The following SLC71A2 variants were observed in gnomAD, a reference collection of about 807,000 sequenced individuals.
The protein encoded by SLC71A2 is solute carrier family 71 member 2.
chr9:94,376,584 T>C, the SLC71A2 span, among the ~76,000 whole-genome samples: 16 of 146,326 alleles, frequency 1.1e-4, 1 homozygote, highest in African/African-American at 4.1e-4. Context: ...ACGAGCATGC[T>C]TGAAATCCCA....
At chr9:94,438,311 A>C in the SLC71A2 span, 12 of 1,439,888 alleles carry the variant, frequency 8.3e-6, no homozygotes, top group Non-Finnish European at 1.2e-5. Flanking sequence ...CAGTACAATG[A>C]ATTAGAGCTA....
chr9:94,401,256 C>T, the SLC71A2 span, among the ~76,000 whole-genome samples: 46 of 152,208 alleles, frequency 3.0e-4, no homozygotes, highest in African/African-American at 1.1e-3. Context: ...CTGCAACCTC[C>T]GCCTTCCGAT....
At chr9:94,397,345 A>G in the SLC71A2 span, among the ~76,000 whole-genome samples, 1 of 152,132 alleles carries the variant, frequency 6.6e-6, no homozygotes, top group Non-Finnish European at 1.5e-5. Flanking sequence ...ATGGTGGCTC[A>G]CACTACTTTG....
chr9:94,402,239 C>T, the SLC71A2 span, among the ~76,000 whole-genome samples: 3 of 152,304 alleles, frequency 2.0e-5, no homozygotes, highest in South Asian at 2.1e-4. Flanking sequence ...AAGATGGAGT[C>T]GCTCTGGTTC....
the SLC71A2 span, among the ~76,000 whole-genome samples, chr9:94,419,942 TTA>T: frequency 6.6e-6 from 1 of 152,158 alleles, no homozygotes; most frequent in Non-Finnish European, 1.5e-5. Context: ...TGGTAAGAGA[TTA>T]TAGTTAAACA....
At chr9:94,381,402 C>T in the SLC71A2 span, among the ~76,000 whole-genome samples, 1 of 150,324 alleles carries the variant, frequency 6.7e-6, no homozygotes, top group Non-Finnish European at 1.5e-5. Flanking sequence ...TCCTCTTTGG[C>T]TTTTAAAAAG....
At chr9:94,379,987 G>A in the SLC71A2 span, among the ~76,000 whole-genome samples, 1 of 152,186 alleles carries the variant, frequency 6.6e-6, no homozygotes, top group Non-Finnish European at 1.5e-5. Context: ...CTCAGTTTCA[G>A]CTGGACGCGG....
chr9:94,439,318 T>TC, the SLC71A2 span, among the ~76,000 whole-genome samples: 5 of 151,474 alleles, frequency 3.3e-5, no homozygotes, highest in African/African-American at 1.2e-4. Context: ...AATTTTTTTT[T>TC]TTTTTTCTTT....
chr9:94,406,066 ATTTTTTTT>A, the SLC71A2 span, among the ~76,000 whole-genome samples: 9 of 63,600 alleles, frequency 1.4e-4, no homozygotes, highest in Admixed American at 8.0e-4. Flanking sequence ...TGCAACTTGA[ATTTTTTTT>A]TTTTTTTTTT....
the SLC71A2 span, among the ~76,000 whole-genome samples, chr9:94,427,428 T>G: frequency 1.3e-5 from 2 of 151,800 alleles, no homozygotes; most frequent in African/African-American, 4.9e-5. Flanking sequence ...CTATTTAGTG[T>G]GCAACTCATT....
At chr9:94,401,263 C>T in the SLC71A2 span, among the ~76,000 whole-genome samples, 16 of 152,178 alleles carry the variant, frequency 1.1e-4, no homozygotes, top group East Asian at 9.7e-4. Context: ...CTCCGCCTTC[C>T]GATTTCAAGC....
chr9:94,449,837 GGATT>G, the SLC71A2 span, among the ~76,000 whole-genome samples: 3 of 152,178 alleles, frequency 2.0e-5, no homozygotes, highest in Non-Finnish European at 4.4e-5. Context: ...GCTAATGAAT[GGATT>G]AACAAATATG....
chr9:94,403,662 G>T, the SLC71A2 span, among the ~76,000 whole-genome samples: 17 of 152,068 alleles, frequency 1.1e-4, no homozygotes, highest in East Asian at 3.1e-3. Flanking sequence ...AGTCCCTGCT[G>T]TTGTTTCTTT....
the SLC71A2 span, among the ~76,000 whole-genome samples, chr9:94,427,432 A>G: frequency 6.6e-6 from 1 of 151,470 alleles, no homozygotes; most frequent in Non-Finnish European, 1.5e-5. Context: ...TTAGTGTGCA[A>G]CTCATTAAGT....
the SLC71A2 span, chr9:94,374,779 C>A: frequency 2.4e-6 from 1 of 425,004 alleles, no homozygotes; most frequent in South Asian, 1.0e-4. Context: ...GCGTCGCCGT[C>A]GTCCCGGAGC....
the SLC71A2 span, among the ~76,000 whole-genome samples, chr9:94,405,575 C>T: frequency 6.6e-6 from 1 of 151,238 alleles, no homozygotes; most frequent in Non-Finnish European, 1.5e-5. Context: ...TCAAGTGATT[C>T]TCCTGTCTAA....
the SLC71A2 span, among the ~76,000 whole-genome samples, chr9:94,389,468 G>A: frequency 4.0e-5 from 6 of 151,218 alleles, no homozygotes; most frequent in African/African-American, 7.3e-5. Flanking sequence ...CAGTAGGGAC[G>A]AGGCTTCACC....
At chr9:94,404,023 C>T in the SLC71A2 span, among the ~76,000 whole-genome samples, 1 of 152,188 alleles carries the variant, frequency 6.6e-6, no homozygotes, top group Non-Finnish European at 1.5e-5. Flanking sequence ...TGGGAGAGGG[C>T]TCATCCTCTT....
At chr9:94,442,872 C>G in the SLC71A2 span, among the ~76,000 whole-genome samples, 1 of 150,970 alleles carries the variant, frequency 6.6e-6, no homozygotes, top group Non-Finnish European at 1.5e-5. Context: ...CCCAAAACTC[C>G]AAAAATTAAC....
Sources: allele counts gnomAD v4.1 joint callset (sites outside exome capture counted in the v4.1 genomes callset), GRCh38; gene constraint gnomAD v4.1.1; transcripts MANE v1.5; gene names NCBI Gene and HGNC (gene_info 2026-07-23, HGNC 2026-07-21).